Variants in ST14 observed in about 807,000 individuals in gnomAD.
ST14 encodes ST14 transmembrane serine protease matriptase.
ST14 carries 40 observed loss-of-function variants against 96.5 expected under a neutral mutation model. That is an observed-to-expected ratio of 0.41 (90% CI 0.32 to 0.54). The LOEUF (loss-of-function observed/expected upper bound fraction) is 0.54, where lower values mean the gene tolerates loss of function less well. ST14 is among the 20% of genes least tolerant of loss of function. The pLI is 0.17. For synonymous variants in ST14, 506 were observed against 492.1 expected, an observed-to-expected ratio of 1.03 and a Z score of -0.37; for missense variants, 1,066 against 1,188.9, an observed-to-expected ratio of 0.90 and a Z score of 1.52.
intron 9 of ST14, 102 bp from the exon 10 acceptor site, chr11:130,196,237 T>C: frequency 1.2e-6 from 1 of 860,040 alleles, no homozygotes; most frequent in South Asian, 1.4e-5. Context: ...ATGGAAGGCA[T>C]ACCATCTCTC....
At chr11:130,196,289 A>C in intron 9 of ST14, 50 bp from the exon 10 acceptor site, 1 of 1,452,578 alleles carries the variant, frequency 6.9e-7, no homozygotes, top group Non-Finnish European at 9.5e-7. Flanking sequence ...CCTCAGGTTC[A>C]GGGAGGAGGG....
Position 130,190,164 on chromosome 11 carries a change from G to A in ST14, c.634+16G>A, listed in dbSNP as rs766901171. 1.9e-6 allele frequency: 3 copies of A among 1,614,166 alleles called. No homozygotes were observed. The highest frequency in any genetic ancestry group is 2.5e-6 in the Non-Finnish European group (3 of 1,179,996). On this transcript the variant is annotated intron_variant, in intron 6 of 18. Transcript: ENST00000278742. ...ACCCAGGACAGTAAGTATCGTGCCC[G>A]CCTCCTCTTCTGGGTGGGGAAGAGG...
chr11:130,169,914 C>T (rs914233629), intron 1 of ST14, among the ~76,000 whole-genome samples: 1 of 152,162 alleles, frequency 6.6e-6, no homozygotes, highest in African/African-American at 2.4e-5. Flanking sequence ...CCTGTTTGTG[C>T]TGCTGCAGGC....
intron 4 of ST14, 114 bp downstream of exon 4, chr11:130,189,053 G>T (rs1233925295): frequency 4.3e-6 from 5 of 1,170,538 alleles, no homozygotes; most frequent in Non-Finnish European, 6.2e-6. Flanking sequence ...CTGGCCTGGA[G>T]AGCCAAGGAG....
chr11:130,205,030 T>C (rs944905738), intron 16 of ST14, among the ~76,000 whole-genome samples: 1 of 152,204 alleles, frequency 6.6e-6, no homozygotes, highest in Non-Finnish European at 1.5e-5. Context: ...ACGCACATTT[T>C]CTATTTTAAA....
Position 130,196,460 on chromosome 11 carries a change from G to C in ST14, c.1223+12G>C. On this transcript the variant is annotated intron_variant, in intron 10 of 18. Coordinates refer to ENST00000278742, the MANE Select transcript of ST14 (RefSeq NM_021978.4). Reference sequence around the variant, plus strand: ...ATCAACGGGGAGAAGTGAGTCCCCGGGGGTATGGGGGCTGCCGGGCCCATG... The same window carrying C: ...ATCAACGGGGAGAAGTGAGTCCCCGCGGGTATGGGGGCTGCCGGGCCCATG... 3.7e-6 allele frequency: 6 copies of C among 1,601,366 alleles called. No individual in the cohort carries two copies. Among genetic ancestry groups the C allele is most frequent in the Non-Finnish European group, 4.3e-6 (5 of 1,173,340 alleles).
intron 1 of ST14, among the ~76,000 whole-genome samples, chr11:130,162,810 C>T (rs1387671518): frequency 2.0e-5 from 3 of 152,196 alleles, no homozygotes; most frequent in Admixed American, 2.0e-4. Context: ...CATGGCATCT[C>T]TCTAACCCAG....
intron 16 of ST14, among the ~76,000 whole-genome samples, chr11:130,208,108 ATTGT>A (rs981301201): frequency 8.5e-5 from 13 of 152,124 alleles, no homozygotes; most frequent in African/African-American, 2.4e-4. Context: ...ATTTGGATTG[ATTGT>A]TCTGTTATTC....
chr11:130,164,052 T>C (rs919268965), intron 1 of ST14, among the ~76,000 whole-genome samples: 4 of 152,218 alleles, frequency 2.6e-5, no homozygotes, highest in South Asian at 2.1e-4. Context: ...AGTTCCCTGA[T>C]GTCTGCTCCT....
intron 16 of ST14, among the ~76,000 whole-genome samples, chr11:130,200,494 G>A (rs1953416792): frequency 2.0e-5 from 3 of 152,036 alleles, no homozygotes; most frequent in African/African-American, 4.8e-5. Context: ...AGCCAGCCTC[G>A]TGTGAACTCA....
At position 130,194,198 on chromosome 11, in the gene ST14, C is replaced by T; in HGVS notation, c.925C>T (p.Gln309Ter). Residue 309 changes from glutamine to a stop codon, truncating the protein, a stop_gained, in exon 8 of 19, where the codon CAG (glutamine) becomes TAG (stop). Coordinates refer to ENST00000278742, the MANE Select transcript of ST14 (RefSeq NM_021978.4). LOFTEE classifies it high-confidence loss of function. The stretch of plus-strand genomic sequence containing the variant: ...CTACAACCTGACCTTCCACTCCTCC[C>T]AGAACGTCCTGCTCATCACACTGAT... The part of the protein sequence containing the change: ...PSYNLTFHSS[Q>*]NVLLITLITN... 1 of 1,614,230 alleles carries T rather than the reference C, an allele frequency of 6.2e-7. No homozygotes were observed. The highest frequency in any genetic ancestry group is 8.5e-7 in the Non-Finnish European group (1 of 1,180,042).
chr11:130,170,714 A>T (rs73046965), intron 1 of ST14, among the ~76,000 whole-genome samples: 268 of 152,050 alleles, frequency 1.8e-3, no homozygotes, highest in Non-Finnish European at 2.7e-3. Flanking sequence ...GCTAGAGCCA[A>T]CGTCAGAGTT....
chr11:130,191,121 C>T (rs7951280), intron 7 of ST14, among the ~76,000 whole-genome samples: 2,099 of 152,212 alleles, frequency 0.014, 44 homozygotes, highest in African/African-American at 0.046. Flanking sequence ...GAGGCTGAGG[C>T]GGGAGGATCT....
rs150809538 is a variant in ST14 at position 130,206,757 on chromosome 11, G to A, written c.1995-1653G>A. On this transcript the variant is annotated intron_variant, in intron 16 of 18. Coordinates refer to ENST00000278742, the MANE Select transcript of ST14 (RefSeq NM_021978.4). ...TAATTTTTGTGTTTTTGGTAGAGGC[G>A]GGGTTTCACCATGCTGGCCAGGCTG... 4.7e-3 allele frequency among the ~76,000 whole-genome samples: 719 copies of A among 151,932 alleles called. 9 individuals are homozygous for A. Among genetic ancestry groups the A allele is most frequent in the African/African-American group, 0.015 (631 of 41,436 alleles).
At chr11:130,208,289 G>C in intron 16 of ST14, 121 bp from the exon 17 acceptor site, 1 of 1,410,570 alleles carries the variant, frequency 7.1e-7, no homozygotes, top group Non-Finnish European at 9.9e-7. Context: ...CGGCCCCATC[G>C]TCTTCTCGTA....
intron 16 of ST14, among the ~76,000 whole-genome samples, chr11:130,204,120 C>A (rs995151163): frequency 6.6e-6 from 1 of 152,180 alleles, no homozygotes; most frequent in Non-Finnish European, 1.5e-5. Context: ...CTTCTTGTCA[C>A]GCTGTAATTG....
At chr11:130,208,724 G>A in intron 17 of ST14, 40 bp downstream of exon 17, 1 of 1,590,566 alleles carries the variant, frequency 6.3e-7, no homozygotes. Flanking sequence ...AGAGGGCCTG[G>A]GGCCTTTCTC....
In ST14 at chr11:130,210,156, GA is replaced by G. The variant is rs1565630686; in HGVS notation, c.*335del. On this transcript the variant is annotated 3_prime_UTR_variant, in exon 19 of 19. Coordinates refer to ENST00000278742, the MANE Select transcript of ST14 (RefSeq NM_021978.4). ...CTCCCCTGTCTCTAAGGAGCAGCGG[GA>G]ACGGAGCTTCGGGGCCTCCTCAGTG... 1 of 267,620 alleles carries G rather than the reference GA, an allele frequency of 3.7e-6. No homozygotes were observed. Among genetic ancestry groups the G allele is most frequent in the East Asian group, 8.7e-5 (1 of 11,560 alleles). 16.6% of individuals were successfully genotyped at this position (267,620 alleles called of 1,614,324 possible).
At chr11:130,199,219 C>A (rs1196206150) in intron 15 of ST14, 150 bp downstream of exon 15, 8 of 958,594 alleles carry the variant, frequency 8.3e-6, no homozygotes, top group Non-Finnish European at 1.3e-5. Context: ...GAAAGGATAG[C>A]CTTGCCAGTT....
Sources: gnomAD v4.1 joint callset for allele counts (sites outside exome capture counted in the v4.1 genomes callset) on GRCh38, gnomAD v4.1.1 for gene constraint, MANE v1.5 for transcripts, NCBI Gene and HGNC (gene_info 2026-07-23, HGNC 2026-07-21) for gene names.